SUZ12: variants seen among roughly 807,000 people sequenced by gnomAD.
SUZ12 encodes the protein polycomb protein SUZ12.
A neutral mutation model predicts 87.3 loss-of-function variants in SUZ12; 17 were observed. That is an observed-to-expected ratio of 0.19 (90% CI 0.13 to 0.29). The LOEUF (loss-of-function observed/expected upper bound fraction) is 0.29. Ranked by LOEUF, SUZ12 falls within the 10% of genes least tolerant of loss-of-function variation. SUZ12 has a pLI of 1.00. For missense variants in SUZ12, 526 were observed against 912.2 expected, an observed-to-expected ratio of 0.58 and a Z score of 5.45; for synonymous variants, 253 against 312.4, an observed-to-expected ratio of 0.81 and a Z score of 2.01.
chr17:31,988,225 T>G (rs1271081389), intron 9 of SUZ12, 95 bp from the exon 10 acceptor site: 2 of 1,242,244 alleles, frequency 1.6e-6, no homozygotes, highest in Non-Finnish European at 2.2e-6. Context: ...TTAAGGCAAA[T>G]CCACATTGAC....
chr17:31,947,118 G>A (rs1461828981), intron 3 of SUZ12, among the ~76,000 whole-genome samples: 1 of 152,126 alleles, frequency 6.6e-6, no homozygotes, highest in African/African-American at 2.4e-5. Flanking sequence ...GACGTGTTAA[G>A]TGTTTCAGAA....
intron 3 of SUZ12, among the ~76,000 whole-genome samples, chr17:31,944,193 A>G (rs1183125089): frequency 3.3e-5 from 5 of 151,684 alleles, no homozygotes; most frequent in Non-Finnish European, 5.9e-5. Context: ...CAATGGTGCA[A>G]TCTTGGCTCA....
At chr17:31,961,997 A>C (rs1253951893) in intron 4 of SUZ12, among the ~76,000 whole-genome samples, 2 of 152,238 alleles carry the variant, frequency 1.3e-5, no homozygotes, top group Non-Finnish European at 1.5e-5. Context: ...ACACTAATAA[A>C]AAGATGTATA....
At chr17:31,951,505 C>T (rs1330060767) in intron 4 of SUZ12, among the ~76,000 whole-genome samples, 18 of 140,360 alleles carry the variant, frequency 1.3e-4, no homozygotes, top group Admixed American at 1.5e-4. Flanking sequence ...TTTTTTGAGA[C>T]GGAGTCTCGC....
At chr17:31,943,413 T>A (rs1567811658) in intron 3 of SUZ12, among the ~76,000 whole-genome samples, 3 of 152,354 alleles carry the variant, frequency 2.0e-5, no homozygotes, top group African/African-American at 4.8e-5. Flanking sequence ...TTTTGTTGAT[T>A]AAAATACAAC....
intron 7 of SUZ12, among the ~76,000 whole-genome samples, 194 bp downstream of exon 7, chr17:31,975,907 A>G (rs1310366701): frequency 1.3e-5 from 2 of 152,208 alleles, no homozygotes; most frequent in African/African-American, 4.8e-5. Context: ...GTGAACACCT[A>G]TCTACTTACC....
chr17:31,998,954 CA>C lies in SUZ12; in HGVS notation c.2172del (p.Asp725IlefsTer19). ...AACTCAAAAGAGAAAGCTTTGGAAA[CA>C]GATAGTGTCTCAGGGGTTTCAAAAC... The part of the protein sequence containing the change: ...EINSKEKALE[T>X]DSVSGVSKQS... On this transcript the variant is annotated frameshift_variant, in exon 16 of 16. Coordinates refer to ENST00000322652, the MANE Select transcript of SUZ12 (RefSeq NM_015355.4). LOFTEE classifies it high-confidence loss of function. The C allele has an allele frequency of 3.7e-6, 6 of 1,604,508 alleles. No homozygotes were observed. Among genetic ancestry groups the C allele is most frequent in the Non-Finnish European group, 5.1e-6 (6 of 1,176,958 alleles).
chr17:31,994,092 A>G, intron 12 of SUZ12, 84 bp downstream of exon 12: 4 of 1,337,706 alleles, frequency 3.0e-6, no homozygotes, highest in Non-Finnish European at 4.0e-6. Context: ...ACCCACAAAA[A>G]TTTTTTAAAT....
intron 4 of SUZ12, among the ~76,000 whole-genome samples, chr17:31,952,885 A>ATT (rs1907074326): frequency 6.6e-6 from 1 of 152,062 alleles, no homozygotes; most frequent in South Asian, 2.1e-4. Flanking sequence ...TTCTCTGGTA[A>ATT]CAACTCTTGA....
intron 4 of SUZ12, among the ~76,000 whole-genome samples, chr17:31,958,236 G>A (rs542432248): frequency 3.9e-5 from 6 of 151,978 alleles, no homozygotes; most frequent in South Asian, 4.2e-4. Context: ...AGGTTTCACC[G>A]TTTTGCCCAG....
chr17:31,983,296 G>A (rs1157779476), intron 9 of SUZ12, among the ~76,000 whole-genome samples, 192 bp downstream of exon 9: 5 of 106,474 alleles, frequency 4.7e-5, no homozygotes, highest in Admixed American at 4.2e-4. Flanking sequence ...TTTTTTTTGA[G>A]GGGGAGTCTT....
At chr17:31,998,606 A>C in intron 15 of SUZ12, 52 bp from the exon 16 acceptor site, 1 of 1,356,556 alleles carries the variant, frequency 7.4e-7, no homozygotes, top group Non-Finnish European at 9.9e-7. Flanking sequence ...TCACTGTTGC[A>C]TTTGACAAAA....
intron 15 of SUZ12, among the ~76,000 whole-genome samples, chr17:31,997,493 T>A (rs1910036042): frequency 6.6e-6 from 1 of 151,946 alleles, no homozygotes; most frequent in Non-Finnish European, 1.5e-5. Context: ...TGAAACCCTG[T>A]CTCCACTAAA....
At chr17:31,956,922 T>A (rs1436736488) in intron 4 of SUZ12, among the ~76,000 whole-genome samples, 1 of 152,012 alleles carries the variant, frequency 6.6e-6, no homozygotes, top group Non-Finnish European at 1.5e-5. Flanking sequence ...ATTATAGGCA[T>A]GTGCCACCAC....
chr17:31,976,914 A>G (rs1438428405), intron 8 of SUZ12, among the ~76,000 whole-genome samples: 2 of 152,226 alleles, frequency 1.3e-5, no homozygotes, highest in Non-Finnish European at 2.9e-5. Context: ...TGCCTTCACC[A>G]TGGAGCTTAA....
chr17:31,963,630 C>T lies in SUZ12; in HGVS notation c.456-2517C>T, dbSNP rs376692674. 1.2e-4 allele frequency among the ~76,000 whole-genome samples: 18 copies of T among 152,122 alleles called. No homozygotes were observed. The East Asian group carries it at 2.1e-3, about 18-fold the overall frequency. Reference sequence around the variant, plus strand: ...CTCTGACCTTTGAGTTCAAGCAATTCTCCTGCCTCAGCCTCCCGAGTAGCT... The same window carrying T: ...CTCTGACCTTTGAGTTCAAGCAATTTTCCTGCCTCAGCCTCCCGAGTAGCT... On this transcript the variant is annotated intron_variant, in intron 4 of 15. Coordinates refer to ENST00000322652, the MANE Select transcript of SUZ12 (RefSeq NM_015355.4).
chr17:31,969,175 A>G (rs581237), intron 5 of SUZ12, among the ~76,000 whole-genome samples: 23,661 of 151,448 alleles, frequency 0.16, 2,062 homozygotes, highest in African/African-American at 0.22. Flanking sequence ...ATGGAGTTTC[A>G]CTCTGGTTGC....
At chr17:31,957,825 G>A (rs1907447667) in intron 4 of SUZ12, among the ~76,000 whole-genome samples, 1 of 150,370 alleles carries the variant, frequency 6.7e-6, no homozygotes, top group Non-Finnish European at 1.5e-5. Context: ...GATTACAGGT[G>A]TGAGCCACTG....
At chr17:31,948,282 T>C (rs1479517246) in intron 4 of SUZ12, among the ~76,000 whole-genome samples, 1 of 152,224 alleles carries the variant, frequency 6.6e-6, no homozygotes, top group Non-Finnish European at 1.5e-5. Context: ...TAGTCTGATA[T>C]CTGTCTACTC....
Sources: gnomAD v4.1 joint callset for allele counts (sites outside exome capture counted in the v4.1 genomes callset) on GRCh38, gnomAD v4.1.1 for gene constraint, MANE v1.5 for transcripts, NCBI Gene and HGNC (gene_info 2026-07-23, HGNC 2026-07-21) for gene names.